Variants in KCNMB3 observed in about 807,000 individuals in gnomAD.
KCNMB3 encodes the protein calcium-activated potassium channel subunit beta-3.
A neutral mutation model predicts 11.9 loss-of-function variants in KCNMB3; 18 were observed. The ratio of observed to expected loss-of-function variants is 1.51; its 90% CI spans 1.04 to 2.23. KCNMB3 has a LOEUF of 2.23. KCNMB3 is among the 30% of genes most tolerant of loss of function. The probability of loss-of-function intolerance (pLI) is 0.00; values close to 1 mark genes in which losing one functional copy is unlikely to be tolerated. For synonymous variants in KCNMB3, 78 were observed against 119.2 expected (o/e 0.65, Z 2.25); for missense variants, 247 against 329.4 (o/e 0.75, Z 1.94).
At chr3:179,247,715 G>A (rs1576956508) in intron 1 of KCNMB3, among the ~76,000 whole-genome samples, 1 of 152,160 alleles carries the variant, frequency 6.6e-6, no homozygotes, top group Non-Finnish European at 1.5e-5. Flanking sequence ...GCTAATACCA[G>A]AGAGAAGCTT....
chr3:179,247,329 G>C (rs1035316378), intron 1 of KCNMB3, among the ~76,000 whole-genome samples: 1 of 149,740 alleles, frequency 6.7e-6, no homozygotes, highest in Non-Finnish European at 1.5e-5. Flanking sequence ...AAATTACATA[G>C]ACATGTAATG....
At chr3:179,239,872 C>G (rs1169777006), downstream of KCNMB3, 8 of 577,052 alleles carry the variant, frequency 1.4e-5, no homozygotes, top group Non-Finnish European at 2.4e-5. Flanking sequence ...GCCCAGAAAG[C>G]ATTTGACACA....
In KCNMB3 at chr3:179,242,901, G is replaced by A. The variant is rs750724211; in HGVS notation, c.*3C>T. ...AGGCCAGCACTTTAATTTGGCCACC[G>A]TCTTAAGATTTCTCTGCTCTTCCTT... On this transcript the variant is annotated 3_prime_UTR_variant, in exon 3 of 3. Coordinates refer to ENST00000392685, the MANE Select transcript of KCNMB3 (RefSeq NM_171830.2). 73 of 1,585,696 alleles carry A rather than the reference G, an allele frequency of 4.6e-5. No homozygotes were observed. The highest frequency in any genetic ancestry group is 1.7e-4 in the Middle Eastern group (1 of 5,938).
intron 2 of KCNMB3, 125 bp from the exon 3 acceptor site, chr3:179,243,409 G>A (rs1725529263): frequency 1.6e-6 from 1 of 630,818 alleles, no homozygotes; most frequent in East Asian, 2.7e-5. Context: ...TTAGAAGGTG[G>A]TAAAATATTA....
intron 1 of KCNMB3, chr3:179,260,129 C>T (rs780643849): frequency 5.9e-5 from 94 of 1,606,240 alleles, no homozygotes; most frequent in Non-Finnish European, 7.4e-5. Context: ...GACATGAGGC[C>T]ACTGTGTCTG....
chr3:179,256,152 T>A (rs1234242359), upstream of KCNMB3, among the ~76,000 whole-genome samples: 1 of 152,182 alleles, frequency 6.6e-6, no homozygotes, highest in East Asian at 1.9e-4. Context: ...ATATTAACTC[T>A]AGGCTGGACA....
At chr3:179,242,696 A>C (rs1725493854), downstream of KCNMB3, 1 of 850,698 alleles carries the variant, frequency 1.2e-6, no homozygotes, top group African/African-American at 1.8e-5. Flanking sequence ...ATTTGGAAAG[A>C]GATTGGGATT....
exon 1 of KCNMB3, chr3:179,266,934 G>A (rs1726387191): frequency 7.4e-7 from 1 of 1,359,792 alleles, no homozygotes; most frequent in African/African-American, 1.5e-5. Flanking sequence ...GGAGCGGTCA[G>A]TTCTAGATGA....
chr3:179,244,370 A>G lies in KCNMB3; in HGVS notation c.447+125T>C. ...CATTTATCCTGATTTGATCACTATA[A>G]AAATGTTCACTCCAAAAAAATAGAT... is the stretch of plus-strand genomic sequence containing the variant. On this transcript the variant is annotated intron_variant, in intron 2 of 2. Transcript: ENST00000392685. 5.6e-6 allele frequency: 4 copies of G among 712,134 alleles called. No homozygotes were observed. In the South Asian group the frequency reaches 7.1e-5, roughly 13 times the overall value. 44.1% of individuals were successfully genotyped at this position (712,134 alleles called of 1,614,324 possible).
chr3:179,247,606 A>C (rs935136709), intron 1 of KCNMB3, among the ~76,000 whole-genome samples: 1 of 152,196 alleles, frequency 6.6e-6, no homozygotes, highest in African/African-American at 2.4e-5. Context: ...GTTTCCTAGC[A>C]GCCAAAGCAA....
At chr3:179,248,733 A>C (rs1467532843) in intron 1 of KCNMB3, among the ~76,000 whole-genome samples, 1 of 151,882 alleles carries the variant, frequency 6.6e-6, no homozygotes, top group Admixed American at 6.6e-5. Context: ...GCTTCAAAAA[A>C]AAAAAAAAAA....
intron 1 of KCNMB3, chr3:179,260,056 G>C (rs7613411): frequency 0.81 from 1,311,156 of 1,610,944 alleles, 535,074 homozygotes; most frequent in East Asian, 0.93. Context: ...GTCTCTAACT[G>C]TTGGGGGACC....
upstream of KCNMB3, among the ~76,000 whole-genome samples, chr3:179,253,325 C>T (rs185222278): frequency 1.3e-5 from 2 of 152,224 alleles, no homozygotes; most frequent in East Asian, 3.9e-4. Context: ...CGGCATAACC[C>T]GATTCTGATC....
Position 179,250,796 on chromosome 3 carries a change from T to C in KCNMB3, c.195A>G (p.Ser65=). 6.2e-7 allele frequency: 1 copy of C among 1,614,200 alleles called. No homozygotes were observed. Among genetic ancestry groups the C allele is most frequent in the Non-Finnish European group, 8.5e-7 (1 of 1,180,046 alleles). Residue 65 remains serine (S), a synonymous_variant, in exon 1 of 3, where the codon TCA becomes TCG. Transcript: ENST00000392685. Reference sequence around the variant, plus strand: ...TTCCGAGCAAGAAGAACATTAGGACTGAGAAGCCCATCATGGCAAACCCCA... The same window carrying C: ...TTCCGAGCAAGAAGAACATTAGGACCGAGAAGCCCATCATGGCAAACCCCA... ...VMLGFAMMGF[S]VLMFFLLGTT...
intron 1 of KCNMB3, among the ~76,000 whole-genome samples, chr3:179,248,174 G>A (rs1056957135): frequency 7.9e-5 from 12 of 152,048 alleles, no homozygotes; most frequent in East Asian, 3.9e-4. Context: ...ATTATTTACC[G>A]GCTATGTGAA....
chr3:179,252,698 T>C (rs1227678709), upstream of KCNMB3, among the ~76,000 whole-genome samples: 3 of 150,944 alleles, frequency 2.0e-5, no homozygotes, highest in Admixed American at 6.6e-5. Context: ...AGAAGGGGCA[T>C]GGAAAAAAAA....
chr3:179,265,980 A>G (rs893527225), intron 1 of KCNMB3, among the ~76,000 whole-genome samples: 1 of 152,260 alleles, frequency 6.6e-6, no homozygotes, highest in Non-Finnish European at 1.5e-5. Context: ...AGGGTGGGTA[A>G]TAACAATAGC....
At chr3:179,249,007 C>CTTTTTTTTT (rs1169837939) in intron 1 of KCNMB3, among the ~76,000 whole-genome samples, 1 of 89,864 alleles carries the variant, frequency 1.1e-5, no homozygotes, top group Non-Finnish European at 2.1e-5. Flanking sequence ...GACCCCGTCT[C>CTTTTTTTTT]TTTTTTTTTT....
In KCNMB3 at chr3:179,249,901, A is replaced by G. The variant is rs556402406; in HGVS notation, c.248+842T>C. ...CTCTCAGTGGAGTAGGGGGAGGGAG[A>G]GCATCAGGAAGAATAGCTAATGCAT... On this transcript the variant is annotated intron_variant, in intron 1 of 2. Coordinates refer to ENST00000392685, the MANE Select transcript of KCNMB3 (RefSeq NM_171830.2). Among the ~76,000 whole-genome samples, 7 of 152,248 alleles carry G rather than the reference A, an allele frequency of 4.6e-5. No individual in the cohort carries two copies. The East Asian group carries it at 5.8e-4, about 13-fold the overall frequency.
Sources: gnomAD v4.1 joint callset for allele counts (sites outside exome capture counted in the v4.1 genomes callset) on GRCh38, gnomAD v4.1.1 for gene constraint, MANE v1.5 for transcripts, NCBI Gene and HGNC (gene_info 2026-07-23, HGNC 2026-07-21) for gene names.